Variants in GPM6A observed in about 807,000 individuals in gnomAD.
GPM6A encodes neuronal membrane glycoprotein M6-a.
A neutral mutation model predicts 32.1 loss-of-function variants in GPM6A; 7 were observed. The observed-to-expected ratio is 0.22, with a 90% CI of 0.12 to 0.41. The LOEUF (loss-of-function observed/expected upper bound fraction) is 0.41. Ranked by LOEUF, GPM6A falls within the 10% of genes least tolerant of loss-of-function variation. GPM6A has a pLI of 1.00. For synonymous variants in GPM6A, 130 were observed against 123.4 expected, an observed-to-expected ratio of 1.05 and a Z score of -0.35; for missense variants, 235 against 347.2, an observed-to-expected ratio of 0.68 and a Z score of 2.57.
intron 1 of GPM6A, among the ~76,000 whole-genome samples, chr4:175,760,473 C>T (rs1425464071): frequency 6.6e-6 from 1 of 152,070 alleles, no homozygotes; most frequent in African/African-American, 2.4e-5. Flanking sequence ...TCTCTTATAG[C>T]TCTTCACATT....
intron 2 of GPM6A, among the ~76,000 whole-genome samples, chr4:175,692,703 T>C (rs1480214203): frequency 6.6e-6 from 1 of 152,150 alleles, no homozygotes; most frequent in Non-Finnish European, 1.5e-5. Flanking sequence ...AAATATTTTC[T>C]TTTGTGATTT....
chr4:175,833,095 G>A (rs1735664067), intron 1 of GPM6A, among the ~76,000 whole-genome samples: 1 of 152,196 alleles, frequency 6.6e-6, no homozygotes, highest in Admixed American at 6.6e-5. Flanking sequence ...CAAAAGGTAA[G>A]ATTGCTTTCT....
chr4:175,776,003 T>G (rs923960608), intron 1 of GPM6A, among the ~76,000 whole-genome samples: 1 of 152,130 alleles, frequency 6.6e-6, no homozygotes, highest in Non-Finnish European at 1.5e-5. Flanking sequence ...TGGAAAACCT[T>G]CGATTATAAA....
intron 5 of GPM6A, 21 bp downstream of exon 5, chr4:175,640,732 A>T: frequency 1.4e-6 from 2 of 1,478,808 alleles, no homozygotes; most frequent in South Asian, 1.1e-5. Context: ...TGACAAAATT[A>T]AAGGCTGTAA....
intron 1 of GPM6A, among the ~76,000 whole-genome samples, chr4:175,840,730 A>C (rs1735909041): frequency 7.2e-6 from 1 of 138,332 alleles, no homozygotes; most frequent in South Asian, 2.2e-4. Context: ...AAGGAAGTGA[A>C]GAATCCAGCA....
intron 1 of GPM6A, among the ~76,000 whole-genome samples, chr4:175,865,187 TAAA>T (rs961531662): frequency 6.6e-5 from 10 of 152,304 alleles, no homozygotes; most frequent in African/African-American, 2.2e-4. Flanking sequence ...GCACAATTGT[TAAA>T]AAGATGATCA....
chr4:175,708,709 G>A (rs1745355442), intron 1 of GPM6A, among the ~76,000 whole-genome samples: 1 of 152,192 alleles, frequency 6.6e-6, no homozygotes, highest in Non-Finnish European at 1.5e-5. Context: ...GACCAGTGGT[G>A]CCAAAATAGA....
intron 1 of GPM6A, among the ~76,000 whole-genome samples, chr4:175,810,868 T>C (rs1362726480): frequency 2.6e-5 from 4 of 152,200 alleles, no homozygotes; most frequent in Non-Finnish European, 4.4e-5. Flanking sequence ...TTTGTGCATA[T>C]AATAAAGGGA....
intron 1 of GPM6A, among the ~76,000 whole-genome samples, chr4:175,856,517 T>C (rs1223139612): frequency 6.6e-6 from 1 of 152,246 alleles, no homozygotes; most frequent in Admixed American, 6.5e-5. Flanking sequence ...TTTGCTTTGC[T>C]GTCTGCTGAT....
chr4:175,637,213 A>G (rs1740702014), intron 6 of GPM6A, among the ~76,000 whole-genome samples: 1 of 94,398 alleles, frequency 1.1e-5, no homozygotes. Context: ...GACATAATAT[A>G]TCATATATAA....
At chr4:175,694,378 T>C (rs1354129950) in intron 2 of GPM6A, among the ~76,000 whole-genome samples, 2 of 152,198 alleles carry the variant, frequency 1.3e-5, no homozygotes, top group Non-Finnish European at 2.9e-5. Context: ...GTGACCAAAA[T>C]GCTGATAGTG....
chr4:175,722,233 T>A (rs987542007), intron 1 of GPM6A, among the ~76,000 whole-genome samples: 4 of 152,064 alleles, frequency 2.6e-5, no homozygotes, highest in Non-Finnish European at 5.9e-5. Context: ...AAAGACTGCA[T>A]GAGCTGTGAT....
At position 175,931,703 on chromosome 4, in the gene GPM6A, C is replaced by T. The variant is rs926432244; in HGVS notation, c.-23+70606G>A. Among the ~76,000 whole-genome samples the T allele has an allele frequency of 5.4e-3, 756 of 140,656 alleles. 2 individuals are homozygous for T. Among genetic ancestry groups the T allele is most frequent in the South Asian group, 0.021 (80 of 3,858 alleles). The allele number at this position is 140,656 out of a possible 152,430, so 92.3% of individuals were successfully genotyped here. On this transcript the variant is annotated intron_variant, in intron 1 of 7. Coordinates refer to the GPM6A transcript ENST00000280187. Reference sequence around the variant, plus strand: ...ACACACACACACACACACACACACACACACACATATATATATATATATATA... The same window carrying T: ...ACACACACACACACACACACACACATACACACATATATATATATATATATA...
chr4:175,885,368 T>C (rs1737418073), intron 1 of GPM6A, among the ~76,000 whole-genome samples: 1 of 152,216 alleles, frequency 6.6e-6, no homozygotes, highest in Admixed American at 6.5e-5. Flanking sequence ...TTAAGGAGGA[T>C]GGGCTGGGAT....
chr4:175,644,124 T>TG (rs1235969461), intron 4 of GPM6A, among the ~76,000 whole-genome samples: 162 of 147,224 alleles, frequency 1.1e-3, no homozygotes, highest in Middle Eastern at 3.4e-3. Flanking sequence ...TCCGTTTGTT[T>TG]TTTTTTTTTT....
intron 2 of GPM6A, among the ~76,000 whole-genome samples, chr4:175,676,090 G>A (rs552872806): frequency 6.6e-6 from 1 of 152,228 alleles, no homozygotes; most frequent in East Asian, 1.9e-4. Context: ...CTTTCCTGCT[G>A]CTTCTCACTG....
intron 1 of GPM6A, among the ~76,000 whole-genome samples, chr4:175,854,681 G>A (rs1736363042): frequency 1.3e-5 from 2 of 152,212 alleles, no homozygotes; most frequent in Non-Finnish European, 2.9e-5. Flanking sequence ...TGAACTCCGT[G>A]AGTTGAAAGA....
chr4:175,895,489 T>A (rs1313803655), intron 1 of GPM6A, among the ~76,000 whole-genome samples: 3 of 152,184 alleles, frequency 2.0e-5, no homozygotes, highest in Non-Finnish European at 4.4e-5. Flanking sequence ...AAGTGTTACA[T>A]GTTCTTTGCA....
At chr4:175,854,119 T>C (rs1307789853) in intron 1 of GPM6A, among the ~76,000 whole-genome samples, 1 of 152,170 alleles carries the variant, frequency 6.6e-6, no homozygotes, top group Non-Finnish European at 1.5e-5. Context: ...CAGAGGCACT[T>C]TGGAAATAAA....
Sources: allele counts gnomAD v4.1 joint callset (sites outside exome capture counted in the v4.1 genomes callset), GRCh38; gene constraint gnomAD v4.1.1; transcripts MANE v1.5; gene names NCBI Gene and HGNC (gene_info 2026-07-23, HGNC 2026-07-21).